Variants in APBB2 observed in about 807,000 individuals in gnomAD.
The protein encoded by APBB2 is Fe65-like 1.
A neutral mutation model predicts 82.5 loss-of-function variants in APBB2; 38 were observed. The observed-to-expected ratio is 0.46, with a 90% CI of 0.36 to 0.60. APBB2 has a LOEUF of 0.60. Among genes scored for constraint, APBB2 ranks in the 20% least tolerant of loss-of-function variants. The pLI is 0.00. For missense variants in APBB2, 772 were observed against 972.3 expected (o/e 0.79, Z 2.74); for synonymous variants, 341 against 368.2 (o/e 0.93, Z 0.85).
intron 4 of APBB2, among the ~76,000 whole-genome samples, chr4:41,065,332 A>G (rs1211330075): frequency 6.6e-6 from 1 of 152,204 alleles, no homozygotes; most frequent in Non-Finnish European, 1.5e-5. Context: ...GCACAGAAAC[A>G]GAAAAAGGAG....
chr4:41,134,652 T>C (rs1372327530), intron 2 of APBB2, among the ~76,000 whole-genome samples: 2 of 152,100 alleles, frequency 1.3e-5, no homozygotes, highest in African/African-American at 4.8e-5. Flanking sequence ...ATCCTGAGCT[T>C]CTCTAAAACT....
chr4:41,071,049 G>A (rs904917920), intron 3 of APBB2, among the ~76,000 whole-genome samples: 1 of 152,090 alleles, frequency 6.6e-6, no homozygotes. Flanking sequence ...TCTCCTACAA[G>A]TTCTTACTAT....
chr4:41,142,710 T>C (rs897963854), intron 2 of APBB2, among the ~76,000 whole-genome samples: 6 of 152,188 alleles, frequency 3.9e-5, no homozygotes, highest in Non-Finnish European at 8.8e-5. Flanking sequence ...TTCCAATATT[T>C]GTGCCAACGT....
chr4:41,165,323 A>G (rs938629017), intron 1 of APBB2, among the ~76,000 whole-genome samples: 2 of 152,108 alleles, frequency 1.3e-5, no homozygotes, highest in African/African-American at 4.8e-5. Flanking sequence ...TTACCATCCA[A>G]TGCTACTCTC....
intron 2 of APBB2, among the ~76,000 whole-genome samples, chr4:41,142,255 GTATAA>G (rs1759455282): frequency 6.6e-6 from 1 of 152,170 alleles, no homozygotes; most frequent in South Asian, 2.1e-4. Flanking sequence ...GTCTGTCCCT[GTATAA>G]TATATGTTTT....
At chr4:41,031,730 A>G (rs980314898) in intron 5 of APBB2, among the ~76,000 whole-genome samples, 3 of 152,228 alleles carry the variant, frequency 2.0e-5, no homozygotes, top group Non-Finnish European at 4.4e-5. Context: ...CCTTGAAGAT[A>G]AGACTATAAT....
chr4:41,123,384 G>GC (rs1753460082), intron 2 of APBB2, among the ~76,000 whole-genome samples: 1 of 152,152 alleles, frequency 6.6e-6, no homozygotes. Context: ...CCAAGGAGAT[G>GC]CTCAGTGGTT....
intron 15 of APBB2, among the ~76,000 whole-genome samples, chr4:40,824,193 C>G (rs184517882): frequency 6.6e-6 from 1 of 152,188 alleles, no homozygotes; most frequent in Admixed American, 6.5e-5. Context: ...GAAATAACAG[C>G]CTTTTCAGTA....
intron 10 of APBB2, among the ~76,000 whole-genome samples, chr4:40,921,712 A>G (rs1247157218): frequency 6.6e-6 from 1 of 152,238 alleles, no homozygotes; most frequent in African/African-American, 2.4e-5. Flanking sequence ...TCTAGGTTGC[A>G]ATCTCATCTG....
intron 12 of APBB2, chr4:40,880,985 A>G: frequency 1.0e-5 from 10 of 985,408 alleles, no homozygotes; most frequent in Non-Finnish European, 1.2e-5. Flanking sequence ...ACTTTCCTCT[A>G]AGGGAAACTG....
At chr4:40,987,574 A>T (rs888718242) in intron 6 of APBB2, among the ~76,000 whole-genome samples, 5 of 152,180 alleles carry the variant, frequency 3.3e-5, no homozygotes, top group Admixed American at 6.5e-5. Context: ...TTAAAATTAG[A>T]TAGTCATCTT....
At chr4:40,863,088 G>A (rs1016727042) in intron 12 of APBB2, among the ~76,000 whole-genome samples, 1 of 152,208 alleles carries the variant, frequency 6.6e-6, no homozygotes, top group East Asian at 1.9e-4. Context: ...AGGATGGGAT[G>A]CTGCAGCTCT....
chr4:40,904,683 G>GC (rs1776226195), intron 10 of APBB2, among the ~76,000 whole-genome samples: 1 of 114,022 alleles, frequency 8.8e-6, no homozygotes, highest in Admixed American at 9.3e-5. Context: ...CTTTGTTATT[G>GC]CTTTTTTTTT....
intron 5 of APBB2, among the ~76,000 whole-genome samples, chr4:41,014,913 G>C (rs1271235251): frequency 2.0e-5 from 3 of 152,162 alleles, no homozygotes; most frequent in South Asian, 4.1e-4. Flanking sequence ...TTTAGAAACT[G>C]TGTTCTGAAT....
intron 3 of APBB2, among the ~76,000 whole-genome samples, chr4:41,067,349 T>C (rs912770481): frequency 2.7e-5 from 4 of 150,902 alleles, no homozygotes; most frequent in Admixed American, 1.3e-4. Context: ...GCGGAGGTTG[T>C]AGTAAGCTGA....
intron 10 of APBB2, among the ~76,000 whole-genome samples, chr4:40,926,538 G>A (rs951610431): frequency 6.6e-6 from 1 of 151,876 alleles, no homozygotes; most frequent in Non-Finnish European, 1.5e-5. Flanking sequence ...CTCTGCCTCC[G>A]CCTGCCAGGG....
Position 40,814,317 on chromosome 4 carries a change from C to A in APBB2, c.*1775G>T. 6.7e-6 allele frequency: 1 copy of A among 150,028 alleles called. No homozygotes were observed. The highest frequency in any genetic ancestry group is 2.0e-4 in the East Asian group (1 of 4,992). The allele number at this position is 150,028 out of a possible 1,614,324, so 9.3% of individuals were successfully genotyped here. A position where few individuals can be genotyped will look rare whatever the true frequency, so the allele number is the denominator to read the frequency against. ...CACTCGTGTAGGGAATTCTAAGATT[C>A]CCTGACAATAGATCTTTCCATACCT... On this transcript the variant is annotated 3_prime_UTR_variant, in exon 18 of 18. Transcript: ENST00000508593.
intron 6 of APBB2, among the ~76,000 whole-genome samples, chr4:40,948,488 C>T (rs780763012): frequency 1.3e-5 from 2 of 152,024 alleles, no homozygotes; most frequent in African/African-American, 4.8e-5. Context: ...CGGCTAGGGG[C>T]AGTGGCTCAT....
At chr4:40,915,781 G>A (rs781093564) in intron 10 of APBB2, among the ~76,000 whole-genome samples, 2 of 152,040 alleles carry the variant, frequency 1.3e-5, no homozygotes, top group African/African-American at 4.8e-5. Context: ...CTCGGGGGAG[G>A]AGCATTTAAC....
Sources: allele counts gnomAD v4.1 joint callset (sites outside exome capture counted in the v4.1 genomes callset), GRCh38; gene constraint gnomAD v4.1.1; transcripts MANE v1.5; gene names NCBI Gene and HGNC (gene_info 2026-07-23, HGNC 2026-07-21).